Variants in PRKAR2B observed in about 807,000 individuals in gnomAD.
The protein encoded by PRKAR2B is cAMP-dependent protein kinase type II-beta regulatory subunit.
Under a neutral mutation model 49.9 loss-of-function variants are expected in PRKAR2B, and 14 were observed. The ratio of observed to expected loss-of-function variants is 0.28; its 90% CI spans 0.19 to 0.44. The LOEUF is 0.44. Among genes scored for constraint, PRKAR2B ranks in the 20% least tolerant of loss-of-function variants. The pLI, the probability that PRKAR2B is intolerant of heterozygous loss-of-function variation, is 1.00. For synonymous variants in PRKAR2B, 196 were observed against 197.7 expected (o/e 0.99, Z 0.07); for missense variants, 393 against 537.9 (o/e 0.73, Z 2.67).
chr7:107,100,737 A>G (rs114180463), intron 2 of PRKAR2B, among the ~76,000 whole-genome samples: 6,924 of 150,472 alleles, frequency 0.046, 200 homozygotes, highest in African/African-American at 0.065. Context: ...CAGGTTCCTG[A>G]TTCTTTCTTT....
chr7:107,073,167 A>T (rs1794316519), intron 2 of PRKAR2B, among the ~76,000 whole-genome samples: 1 of 152,228 alleles, frequency 6.6e-6, no homozygotes, highest in Non-Finnish European at 1.5e-5. Flanking sequence ...AAATATTTCA[A>T]ACCTGAATAA....
chr7:107,050,535 A>G (rs986117464), intron 1 of PRKAR2B, among the ~76,000 whole-genome samples: 1 of 152,104 alleles, frequency 6.6e-6, no homozygotes, highest in Admixed American at 6.6e-5. Flanking sequence ...TTGTGCAAAT[A>G]CAAACAGGGG....
Position 107,122,017 on chromosome 7 carries a change from C to A in PRKAR2B, c.396+13C>A. On this transcript the variant is annotated intron_variant, in intron 3 of 10. Transcript: ENST00000265717. ...TGCAGAGTCCAGGGTATGTAATTTA[C>A]TGAATGAATGAATTTTAAATTGATG... 6.4e-7 allele frequency: 1 copy of A among 1,556,372 alleles called. No homozygotes were observed. Among genetic ancestry groups the A allele is most frequent in the South Asian group, 1.2e-5 (1 of 85,580 alleles).
chr7:107,100,691 G>A (rs544255225), intron 2 of PRKAR2B, among the ~76,000 whole-genome samples: 10 of 151,670 alleles, frequency 6.6e-5, no homozygotes, highest in South Asian at 6.2e-4. Flanking sequence ...CTTTTTTTCC[G>A]TTTTTCAAAT....
At chr7:107,116,978 T>C (rs1036690046) in intron 2 of PRKAR2B, among the ~76,000 whole-genome samples, 3 of 150,816 alleles carry the variant, frequency 2.0e-5, no homozygotes, top group Admixed American at 6.7e-5. Flanking sequence ...TATGTGTATA[T>C]ATATAATTGT....
intron 4 of PRKAR2B, chr7:107,129,031 T>C (rs1795549850): frequency 6.6e-6 from 1 of 152,202 alleles, no homozygotes; most frequent in Non-Finnish European, 1.5e-5. Context: ...TTTTGTAACT[T>C]ACCTCGACTT....
intron 2 of PRKAR2B, among the ~76,000 whole-genome samples, chr7:107,106,457 G>A (rs1203962408): frequency 6.6e-6 from 1 of 152,156 alleles, no homozygotes; most frequent in East Asian, 1.9e-4. Flanking sequence ...AAGTTAAGTC[G>A]AAAGACTTGG....
At chr7:107,103,979 A>C (rs2116816605) in intron 2 of PRKAR2B, among the ~76,000 whole-genome samples, 1 of 151,842 alleles carries the variant, frequency 6.6e-6, no homozygotes. Flanking sequence ...AAACCTGGGA[A>C]TCCAAATCTG....
intron 4 of PRKAR2B, chr7:107,129,164 A>C (rs1056096979): frequency 2.6e-5 from 4 of 152,200 alleles, no homozygotes; most frequent in Admixed American, 6.5e-5. Flanking sequence ...ATAAAGATTC[A>C]TGTACTGCAT....
chr7:107,079,280 C>G (rs1445647877), intron 2 of PRKAR2B, among the ~76,000 whole-genome samples: 2 of 152,032 alleles, frequency 1.3e-5, no homozygotes, highest in African/African-American at 2.4e-5. Context: ...TATCAAATTG[C>G]TATAATTGTA....
intron 4 of PRKAR2B, among the ~76,000 whole-genome samples, chr7:107,134,698 C>G (rs1287738880): frequency 6.6e-6 from 1 of 152,104 alleles, no homozygotes; most frequent in African/African-American, 2.4e-5. Flanking sequence ...TACTTATGGC[C>G]AATTGATTTT....
intron 7 of PRKAR2B, among the ~76,000 whole-genome samples, chr7:107,151,611 T>C (rs1795989403): frequency 6.6e-6 from 1 of 152,182 alleles, no homozygotes. Flanking sequence ...TTAATACACC[T>C]AAACTATGGA....
At chr7:107,081,167 C>G (rs1038691944) in intron 2 of PRKAR2B, among the ~76,000 whole-genome samples, 1 of 152,156 alleles carries the variant, frequency 6.6e-6, no homozygotes, top group Non-Finnish European at 1.5e-5. Flanking sequence ...GTATGTATTA[C>G]AACTAACTCC....
intron 4 of PRKAR2B, among the ~76,000 whole-genome samples, chr7:107,134,135 T>A (rs1187050519): frequency 1.3e-5 from 2 of 152,098 alleles, no homozygotes; most frequent in Non-Finnish European, 2.9e-5. Flanking sequence ...TTCAAGTGAT[T>A]CTTGTACCTC....
In PRKAR2B at chr7:107,151,035, T is replaced by C; in HGVS notation, c.843+12T>C. 7.1e-7 allele frequency: 1 copy of C among 1,401,748 alleles called. No homozygotes were observed. Among genetic ancestry groups the C allele is most frequent in the Non-Finnish European group, 9.7e-7 (1 of 1,032,872 alleles). 86.8% of individuals were successfully genotyped at this position (1,401,748 alleles called of 1,614,324 possible). A position where few individuals can be genotyped will look rare whatever the true frequency, so the allele number is the denominator to read the frequency against. On this transcript the variant is annotated intron_variant, in intron 7 of 10. Coordinates refer to ENST00000265717, the MANE Select transcript of PRKAR2B (RefSeq NM_002736.3). ...TTAAATCTTTGGAGGTAAGTATATG[T>C]TTATGCTTTTATTTTATTTTGCTTT...
At chr7:107,124,487 A>G (rs1488659723) in intron 3 of PRKAR2B, among the ~76,000 whole-genome samples, 5 of 152,204 alleles carry the variant, frequency 3.3e-5, no homozygotes, top group African/African-American at 1.2e-4. Context: ...CAGTGTAGGA[A>G]TCAAAACACA....
intron 2 of PRKAR2B, among the ~76,000 whole-genome samples, chr7:107,108,545 A>T (rs1795118323): frequency 6.6e-6 from 1 of 152,274 alleles, no homozygotes; most frequent in African/African-American, 2.4e-5. Flanking sequence ...AAAAAGATCA[A>T]TGTCAAGGGG....
chr7:107,150,622 A>G (rs531299455), intron 6 of PRKAR2B, among the ~76,000 whole-genome samples: 1 of 151,872 alleles, frequency 6.6e-6, no homozygotes, highest in African/African-American at 2.4e-5. Flanking sequence ...ATGCTGTGAC[A>G]GCGCCTCCTT....
intron 2 of PRKAR2B, among the ~76,000 whole-genome samples, chr7:107,102,387 A>T (rs1305106278): frequency 2.6e-5 from 4 of 152,362 alleles, no homozygotes; most frequent in African/African-American, 9.6e-5. Context: ...CATATAATTA[A>T]GAGTGGGTAT....
Sources: gnomAD v4.1 joint callset for allele counts (sites outside exome capture counted in the v4.1 genomes callset) on GRCh38, gnomAD v4.1.1 for gene constraint, MANE v1.5 for transcripts, NCBI Gene and HGNC (gene_info 2026-07-23, HGNC 2026-07-21) for gene names.